Variants in RASA1 observed in about 807,000 individuals in gnomAD.
The protein encoded by RASA1 is RAS p21 protein activator 1.
RASA1 carries 25 observed loss-of-function variants against 132.2 expected under a neutral mutation model. That is an observed-to-expected ratio of 0.19 (90% CI 0.14 to 0.26). RASA1 has a LOEUF of 0.26. Ranked by LOEUF, RASA1 falls within the 10% of genes least tolerant of loss-of-function variation. The pLI is 1.00. For missense variants in RASA1, 964 were observed against 1,299.2 expected (o/e 0.74, Z 3.97); for synonymous variants, 477 against 449.9 (o/e 1.06, Z -0.76).
At chr5:87,311,649 C>A (rs1186799881) in intron 1 of RASA1, among the ~76,000 whole-genome samples, 3 of 152,180 alleles carry the variant, frequency 2.0e-5, no homozygotes, top group Non-Finnish European at 4.4e-5. Flanking sequence ...TATGTGACAA[C>A]ACGTGTCAAG....
chr5:87,370,771 T>G (rs1340654781), intron 12 of RASA1, among the ~76,000 whole-genome samples: 1 of 152,080 alleles, frequency 6.6e-6, no homozygotes, highest in Non-Finnish European at 1.5e-5. Context: ...AACTTAAAGG[T>G]GGTTAAGAAG....
At position 87,379,944 on chromosome 5, in the gene RASA1, A is replaced by T. The variant is rs551271377; in HGVS notation, c.2603+94A>T. The T allele has an allele frequency of 3.1e-5, 38 of 1,237,412 alleles. No individual in the cohort carries two copies. In the East Asian group the frequency reaches 8.9e-4, roughly 29 times the overall value. The allele number at this position is 1,237,412 out of a possible 1,614,324, so 76.7% of individuals were successfully genotyped here. ...ACGTGAAAGCTTTTCTGTTGTCCTA[A>T]TATTATTATACTCTGAAAAAGTCAT... On this transcript the variant is annotated intron_variant, in intron 19 of 24. Coordinates refer to ENST00000274376, the MANE Select transcript of RASA1 (RefSeq NM_002890.3).
intron 11 of RASA1, 39 bp downstream of exon 11, chr5:87,363,543 T>A: frequency 6.3e-7 from 1 of 1,590,308 alleles, no homozygotes; most frequent in Non-Finnish European, 8.6e-7. Context: ...CGGAATTGTC[T>A]TAATAATAAA....
intron 19 of RASA1, 123 bp downstream of exon 19, chr5:87,379,973 T>A: frequency 9.7e-7 from 1 of 1,027,096 alleles, no homozygotes; most frequent in Non-Finnish European, 1.4e-6. Context: ...AAGTCATGGT[T>A]AATCTTTATG....
At chr5:87,277,934 G>A in intron 1 of RASA1, among the ~76,000 whole-genome samples, 1 of 152,056 alleles carries the variant, frequency 6.6e-6, no homozygotes, top group South Asian at 2.1e-4. Flanking sequence ...GACCATGGTA[G>A]CCATGGAATA....
At position 87,380,544 on chromosome 5, in the gene RASA1, C is replaced by T. The variant is rs768807181; in HGVS notation, c.2639C>T (p.Ser880Phe). The part of the protein sequence containing the change: ...LRYIYGCLQK[S>F]VQHKWPTNTT... ...TATATTTATGGGTGTTTACAGAAAT[C>T]TGTTCAGCATAAGTGGCCTACAAAT... The change falls in exon 20 of 25, where the codon TCT becomes TTT. Residue 880 changes from serine to phenylalanine, a missense_variant. Coordinates refer to ENST00000274376, the MANE Select transcript of RASA1 (RefSeq NM_002890.3). 6.2e-7 allele frequency: 1 copy of T among 1,613,362 alleles called. No individual in the cohort carries two copies. Among genetic ancestry groups the T allele is most frequent in the South Asian group, 1.1e-5 (1 of 91,078 alleles).
Position 87,363,469 on chromosome 5 carries a change from T to C in RASA1, c.1575T>C (p.Cys525=), listed in dbSNP as rs758578004. ...KPKGLIDLSV[C]SVYVVHDSLF... is the part of the protein sequence containing the mutation. ...AAGGATTAATAGATCTCAGTGTATG[T>C]TCTGTCTATGTCGTTCATGATAGTC... The change falls in exon 11 of 25, where the codon TGT becomes TGC. Residue 525 remains cysteine, a synonymous_variant. Coordinates refer to ENST00000274376, the MANE Select transcript of RASA1 (RefSeq NM_002890.3). 2.8e-5 allele frequency: 45 copies of C among 1,612,556 alleles called. No homozygotes were observed. Among genetic ancestry groups the C allele is most frequent in the Non-Finnish European group, 3.6e-5 (43 of 1,178,880 alleles).
intron 1 of RASA1, among the ~76,000 whole-genome samples, chr5:87,273,367 T>C (rs1362100446): frequency 6.6e-6 from 1 of 152,184 alleles, no homozygotes; most frequent in East Asian, 1.9e-4. Flanking sequence ...TATAAAAGTT[T>C]CTATATCTAA....
At chr5:87,341,961 C>T (rs1373695559) in intron 6 of RASA1, among the ~76,000 whole-genome samples, 1 of 152,086 alleles carries the variant, frequency 6.6e-6, no homozygotes, top group Non-Finnish European at 1.5e-5. Flanking sequence ...ATTCAACTGA[C>T]TACTCCATTT....
intron 1 of RASA1, among the ~76,000 whole-genome samples, chr5:87,321,035 G>A (rs1012454153): frequency 2.0e-5 from 3 of 152,138 alleles, no homozygotes; most frequent in Non-Finnish European, 4.4e-5. Context: ...TAAGCCTGTG[G>A]TTTAGGAAGA....
chr5:87,372,797 G>A (rs1279778966), intron 13 of RASA1, among the ~76,000 whole-genome samples: 1 of 152,028 alleles, frequency 6.6e-6, no homozygotes, highest in Non-Finnish European at 1.5e-5. Flanking sequence ...ACATTCTCAA[G>A]GTTTAAAGAA....
chr5:87,289,824 G>A (rs1454346158), intron 1 of RASA1, among the ~76,000 whole-genome samples: 2 of 151,986 alleles, frequency 1.3e-5, no homozygotes, highest in African/African-American at 4.8e-5. Flanking sequence ...TCCCAGGCTC[G>A]TCTTGAACTC....
chr5:87,376,213 A>T, intron 15 of RASA1, 180 bp from the exon 16 acceptor site: 1 of 686,850 alleles, frequency 1.5e-6, no homozygotes, highest in Non-Finnish European at 2.5e-6. Context: ...ATCAGAGTTT[A>T]GTGCACCGTA....
chr5:87,328,432 T>C (rs1250850127), intron 1 of RASA1, among the ~76,000 whole-genome samples: 1 of 152,202 alleles, frequency 6.6e-6, no homozygotes, highest in Non-Finnish European at 1.5e-5. Flanking sequence ...TGATTAAATA[T>C]GTTTTCTTGT....
At chr5:87,338,533 A>ATATATATATATATATATATATATATATAT (rs1491365794) in intron 5 of RASA1, among the ~76,000 whole-genome samples, 2 of 91,314 alleles carry the variant, frequency 2.2e-5, no homozygotes, top group East Asian at 4.3e-4. Flanking sequence ...ATATATATAT[A>ATATATATATATATATATATATATATATAT]AAATTTTTTT....
intron 6 of RASA1, among the ~76,000 whole-genome samples, chr5:87,342,537 T>G (rs554174742): frequency 6.6e-6 from 1 of 152,294 alleles, no homozygotes; most frequent in Admixed American, 6.5e-5. Context: ...AGTATATATA[T>G]TCCCAGTTTT....
chr5:87,369,359 T>C (rs1760759396), intron 11 of RASA1, among the ~76,000 whole-genome samples: 1 of 152,200 alleles, frequency 6.6e-6, no homozygotes, highest in Non-Finnish European at 1.5e-5. Flanking sequence ...TGTTTCCATT[T>C]TAACAGGTGA....
chr5:87,362,475 A>C, intron 9 of RASA1, 76 bp from the exon 10 acceptor site: 1 of 1,453,270 alleles, frequency 6.9e-7, no homozygotes. Flanking sequence ...TTGGCTTTTA[A>C]TTGGTACTTT....
At chr5:87,316,405 G>GT (rs1756343467) in intron 1 of RASA1, among the ~76,000 whole-genome samples, 1 of 152,174 alleles carries the variant, frequency 6.6e-6, no homozygotes, top group South Asian at 2.1e-4. Flanking sequence ...CGATTCCCAG[G>GT]TTATCAGTAG....
Sources: allele counts gnomAD v4.1 joint callset (sites outside exome capture counted in the v4.1 genomes callset), GRCh38; gene constraint gnomAD v4.1.1; transcripts MANE v1.5; gene names NCBI Gene and HGNC (gene_info 2026-07-23, HGNC 2026-07-21).